IGF2BP2: variants seen among roughly 807,000 people sequenced by gnomAD.
IGF2BP2 encodes the protein insulin like growth factor 2 mRNA binding protein 2, also known as insulin-like growth factor 2 mRNA-binding protein 2.
IGF2BP2 carries 17 observed loss-of-function variants against 75.8 expected under a neutral mutation model. The ratio of observed to expected loss-of-function variants is 0.22; its 90% CI spans 0.15 to 0.34. IGF2BP2 has a LOEUF of 0.34. Among genes scored for constraint, IGF2BP2 ranks in the 10% least tolerant of loss-of-function variants. IGF2BP2 has a pLI of 1.00. For synonymous variants in IGF2BP2, 288 were observed against 295.6 expected (o/e 0.97, Z 0.26); for missense variants, 516 against 772.4 (o/e 0.67, Z 3.93).
intron 5 of IGF2BP2, among the ~76,000 whole-genome samples, chr3:185,690,393 C>T (rs1292514238): frequency 2.6e-5 from 4 of 152,084 alleles, no homozygotes; most frequent in South Asian, 2.1e-4. Context: ...TAATATTGTA[C>T]ATACTATGTT....
chr3:185,652,290 CT>C (rs1164386692), intron 12 of IGF2BP2, 122 bp from the exon 13 acceptor site: 1 of 730,204 alleles, frequency 1.4e-6, no homozygotes, highest in East Asian at 2.8e-5. Context: ...GCCGTTACCC[CT>C]GGTTCTGTCT....
intron 7 of IGF2BP2, among the ~76,000 whole-genome samples, chr3:185,684,831 G>T (rs1720885981): frequency 6.6e-6 from 1 of 151,732 alleles, no homozygotes; most frequent in Non-Finnish European, 1.5e-5. Context: ...TGAAAAAATG[G>T]TATGTGGGGA....
intron 13 of IGF2BP2, among the ~76,000 whole-genome samples, chr3:185,651,082 A>G (rs1014633437): frequency 3.3e-5 from 5 of 151,800 alleles, no homozygotes; most frequent in African/African-American, 1.2e-4. Flanking sequence ...CTACTTTAAA[A>G]TTTTTTTTGT....
intron 2 of IGF2BP2, among the ~76,000 whole-genome samples, chr3:185,756,221 T>C (rs1324280964): frequency 6.6e-6 from 1 of 152,190 alleles, no homozygotes; most frequent in Non-Finnish European, 1.5e-5. Context: ...GCTCTTGCCA[T>C]ATGACACGCC....
At chr3:185,707,186 C>T (rs1409610732) in intron 2 of IGF2BP2, among the ~76,000 whole-genome samples, 1 of 48,550 alleles carries the variant, frequency 2.1e-5, no homozygotes, top group African/African-American at 8.4e-5. Flanking sequence ...GATCGCATCA[C>T]TGCACTCCAG....
At chr3:185,650,301 C>A (rs1195714903) in intron 13 of IGF2BP2, among the ~76,000 whole-genome samples, 5 of 151,524 alleles carry the variant, frequency 3.3e-5, no homozygotes, top group Admixed American at 6.6e-5. Context: ...TGAAAAAGAA[C>A]CACAGCTTAC....
chr3:185,658,255 T>C (rs1219419453), intron 11 of IGF2BP2, 86 bp downstream of exon 11: 4 of 1,236,854 alleles, frequency 3.2e-6, no homozygotes, highest in Non-Finnish European at 2.4e-6. Context: ...AAGATCTGCA[T>C]TGTGAACATT....
chr3:185,668,186 G>A (rs953237350), intron 10 of IGF2BP2, among the ~76,000 whole-genome samples: 2 of 151,944 alleles, frequency 1.3e-5, no homozygotes, highest in Admixed American at 6.6e-5. Context: ...CTAGTGTGCT[G>A]GTTACAAAAA....
chr3:185,823,043 C>A, intron 2 of IGF2BP2, 110 bp downstream of exon 2: 11 of 620,322 alleles, frequency 1.8e-5, no homozygotes, highest in South Asian at 2.7e-5. Context: ...ACAAAACAAA[C>A]AAAAGCCCCT....
chr3:185,812,212 A>G (rs1164879286), intron 2 of IGF2BP2, among the ~76,000 whole-genome samples: 2 of 152,184 alleles, frequency 1.3e-5, no homozygotes, highest in Admixed American at 1.3e-4. Flanking sequence ...CTCTGCCTCA[A>G]GAAGGATTAG....
intron 2 of IGF2BP2, among the ~76,000 whole-genome samples, chr3:185,748,767 A>G (rs1730585992): frequency 1.3e-5 from 2 of 152,258 alleles, no homozygotes. Context: ...CCTGACACAA[A>G]GAACTCCAAT....
intron 2 of IGF2BP2, among the ~76,000 whole-genome samples, chr3:185,709,840 G>A (rs1013851425): frequency 3.3e-5 from 5 of 152,150 alleles, no homozygotes; most frequent in African/African-American, 1.2e-4. Context: ...GGGTCAGGTG[G>A]AATGAACAAT....
At chr3:185,733,597 A>C (rs1560379596) in intron 2 of IGF2BP2, among the ~76,000 whole-genome samples, 3 of 152,124 alleles carry the variant, frequency 2.0e-5, no homozygotes, top group Non-Finnish European at 4.4e-5. Context: ...TGTCTACTAA[A>C]AATACAAAAC....
At chr3:185,797,975 G>C in intron 2 of IGF2BP2, among the ~76,000 whole-genome samples, 1 of 151,312 alleles carries the variant, frequency 6.6e-6, no homozygotes, top group East Asian at 1.9e-4. Context: ...GCCGAGGCAG[G>C]TGGATCACCT....
intron 2 of IGF2BP2, chr3:185,716,371 T>A (rs888388884): frequency 2.3e-6 from 1 of 434,422 alleles, no homozygotes; most frequent in Non-Finnish European, 4.5e-6. Flanking sequence ...TACAATACAA[T>A]CTTATAAATA....
chr3:185,658,499 GCT>G, intron 10 of IGF2BP2, 90 bp from the exon 11 acceptor site: 1 of 1,037,840 alleles, frequency 9.6e-7, no homozygotes, highest in East Asian at 2.4e-5. Context: ...TGCGACACAG[GCT>G]CTCTGTGGCA....
chr3:185,689,674 G>T (rs1418909227), intron 5 of IGF2BP2, 47 bp from the exon 6 acceptor site: 1 of 1,612,882 alleles, frequency 6.2e-7, no homozygotes, highest in African/African-American at 1.3e-5. Flanking sequence ...CCAACATCAA[G>T]AAAGACCCTC....
intron 2 of IGF2BP2, chr3:185,716,520 G>GCT (rs1436008028): frequency 1.9e-6 from 1 of 520,142 alleles, no homozygotes; most frequent in Admixed American, 1.9e-5. Flanking sequence ...GAAGTGGGCT[G>GCT]CTTTATCCTG....
chr3:185,814,859 CAA>C (rs1457131381), intron 2 of IGF2BP2, among the ~76,000 whole-genome samples: 1 of 152,020 alleles, frequency 6.6e-6, no homozygotes, highest in African/African-American at 2.4e-5. Flanking sequence ...TTTCACGTGT[CAA>C]AGAGGTTTAA....
Sources: gnomAD v4.1 joint callset for allele counts (sites outside exome capture counted in the v4.1 genomes callset) on GRCh38, gnomAD v4.1.1 for gene constraint, MANE v1.5 for transcripts, NCBI Gene and HGNC (gene_info 2026-07-23, HGNC 2026-07-21) for gene names.